Variants in ARPP21 observed in about 807,000 individuals in gnomAD.
The protein encoded by ARPP21 is cAMP-regulated phosphoprotein 21.
A neutral mutation model predicts 113.2 loss-of-function variants in ARPP21; 69 were observed. The observed-to-expected ratio is 0.61, with a 90% CI of 0.50 to 0.74. The LOEUF is 0.74. Ranked by LOEUF, ARPP21 falls within the 30% of genes least tolerant of loss-of-function variation. The pLI is 0.00. For synonymous variants in ARPP21, 368 were observed against 375.5 expected (o/e 0.98, Z 0.23); for missense variants, 1,070 against 1,037.4 (o/e 1.03, Z -0.43).
chr3:35,669,759 G>C (rs556615821), intron 1 of ARPP21, among the ~76,000 whole-genome samples: 1 of 152,254 alleles, frequency 6.6e-6, no homozygotes, highest in Non-Finnish European at 1.5e-5. Context: ...TGTCTGTAAA[G>C]TACACTTTAA....
chr3:35,767,129 A>G (rs972440165), intron 19 of ARPP21, among the ~76,000 whole-genome samples: 1 of 152,134 alleles, frequency 6.6e-6, no homozygotes, highest in Non-Finnish European at 1.5e-5. Context: ...ATGTTTTAAC[A>G]TATTGTCCAC....
chr3:35,790,208 A>G (rs56738662), intron 19 of ARPP21, among the ~76,000 whole-genome samples: 2,124 of 152,310 alleles, frequency 0.014, 22 homozygotes, highest in African/African-American at 0.031. Context: ...TGTGCTTTCA[A>G]TCTTCAGCCA....
intron 14 of ARPP21, among the ~76,000 whole-genome samples, chr3:35,725,826 G>T (rs2093489172): frequency 6.6e-6 from 1 of 152,034 alleles, no homozygotes. Flanking sequence ...TTCAGCTTCA[G>T]TTTCTGAGCT....
intron 19 of ARPP21, among the ~76,000 whole-genome samples, chr3:35,748,115 A>G (rs1483337482): frequency 2.2e-5 from 1 of 46,344 alleles, no homozygotes. Context: ...AGAAAGAAGA[A>G]AGAAAGAAAG....
At chr3:35,728,210 C>T (rs2093677829) in intron 14 of ARPP21, among the ~76,000 whole-genome samples, 1 of 140,424 alleles carries the variant, frequency 7.1e-6, no homozygotes. Context: ...TATTTGATTC[C>T]TTGCCTTTTT....
At chr3:35,792,873 C>G (rs1011890071) in intron 20 of ARPP21, among the ~76,000 whole-genome samples, 2 of 152,158 alleles carry the variant, frequency 1.3e-5, no homozygotes, top group Non-Finnish European at 2.9e-5. Context: ...AATTCCCATT[C>G]ATTTTTGTAC....
At chr3:35,708,685 T>C (rs1232364513) in intron 10 of ARPP21, among the ~76,000 whole-genome samples, 1 of 152,216 alleles carries the variant, frequency 6.6e-6, no homozygotes, top group Non-Finnish European at 1.5e-5. Context: ...GTGAATTGGC[T>C]GAATACCTGA....
At chr3:35,749,543 C>A (rs1348007477) in intron 19 of ARPP21, among the ~76,000 whole-genome samples, 2 of 151,530 alleles carry the variant, frequency 1.3e-5, no homozygotes, top group African/African-American at 4.8e-5. Flanking sequence ...ACACTAGCCT[C>A]ATAAAATGAA....
chr3:35,715,430 A>G lies in ARPP21; in HGVS notation c.898-9A>G. The G allele has an allele frequency of 3.1e-6, 5 of 1,610,980 alleles. No individual in the cohort carries two copies. The highest frequency in any genetic ancestry group is 4.2e-6 in the Non-Finnish European group (5 of 1,178,534). On this transcript the variant is annotated splice_polypyrimidine_tract_variant and intron_variant, in intron 11 of 20. Coordinates refer to ENST00000684406, the MANE Select transcript of ARPP21 (RefSeq NM_001385562.1). Reference sequence around the variant, plus strand: ...ACTTCTGATCCAATGCCTTTTTTTTATTTTTCAGTCAGTTTGCTCCCAGGA... The same window carrying G: ...ACTTCTGATCCAATGCCTTTTTTTTGTTTTTCAGTCAGTTTGCTCCCAGGA...
chr3:35,709,496 A>G (rs1420236615), intron 11 of ARPP21, among the ~76,000 whole-genome samples: 1 of 152,196 alleles, frequency 6.6e-6, no homozygotes, highest in Non-Finnish European at 1.5e-5. Context: ...ATCCATATAC[A>G]ACGAGTATTT....
intron 1 of ARPP21, among the ~76,000 whole-genome samples, chr3:35,642,984 G>C (rs146222902): frequency 6.6e-6 from 1 of 152,056 alleles, no homozygotes; most frequent in Admixed American, 6.5e-5. Flanking sequence ...GGTAACTTTT[G>C]TAATGTCACA....
intron 1 of ARPP21, chr3:35,640,998 G>A (rs1033388789): frequency 6.6e-6 from 1 of 152,170 alleles, no homozygotes; most frequent in Non-Finnish European, 1.5e-5. Context: ...TGAGGTGGAT[G>A]TGGTTGCTGT....
In ARPP21 at chr3:35,737,285, C is replaced by T; in HGVS notation, c.1567C>T (p.Gln523Ter). The change falls in exon 16 of 21, where the codon CAG (glutamine) becomes TAG (stop). Residue 523 changes from glutamine (Q) to a stop codon, truncating the protein, a stop_gained. Transcript: ENST00000684406. LOFTEE classifies it high-confidence loss of function. Reference protein sequence around the residue: ...MVGQSQQQPPQQQPSPQPQQQ... With the variant: ...MVGQSQQQPP ...GGGGCAGTCCCAACAGCAGCCACCA[C>T]AGCAGCAGCCCTCCCCGCAGCCCCA... The T allele has an allele frequency of 6.2e-7, 1 of 1,612,802 alleles. No individual in the cohort carries two copies. The highest frequency in any genetic ancestry group is 8.5e-7 in the Non-Finnish European group (1 of 1,178,982).
chr3:35,789,350 G>A (rs948082272), intron 19 of ARPP21, among the ~76,000 whole-genome samples: 12 of 152,144 alleles, frequency 7.9e-5, no homozygotes, highest in East Asian at 1.9e-4. Context: ...CCAGACAGCT[G>A]CCTGTCTTAA....
chr3:35,684,283 G>A, intron 5 of ARPP21: 2 of 1,151,930 alleles, frequency 1.7e-6, no homozygotes, highest in Non-Finnish European at 2.1e-6. Context: ...TTTAACTTTG[G>A]AGAAATACTT....
At chr3:35,764,814 G>T (rs535385435) in intron 19 of ARPP21, among the ~76,000 whole-genome samples, 1 of 152,234 alleles carries the variant, frequency 6.6e-6, no homozygotes, top group Admixed American at 6.6e-5. Context: ...AAAAATTATA[G>T]TTCTGCCATT....
intron 19 of ARPP21, among the ~76,000 whole-genome samples, chr3:35,762,259 G>C (rs934150823): frequency 6.6e-6 from 1 of 151,940 alleles, no homozygotes; most frequent in Non-Finnish European, 1.5e-5. Context: ...GAGATATTCT[G>C]TGGTAAAAAT....
intron 19 of ARPP21, among the ~76,000 whole-genome samples, chr3:35,748,496 G>GAAGA (rs2095276064): frequency 6.6e-6 from 1 of 150,662 alleles, no homozygotes; most frequent in Admixed American, 6.6e-5. Flanking sequence ...GGGAAGGAAG[G>GAAGA]AAGAAAGGAA....
chr3:35,791,941 A>T (rs2096756260), intron 19 of ARPP21, among the ~76,000 whole-genome samples: 1 of 152,210 alleles, frequency 6.6e-6, no homozygotes, highest in Non-Finnish European at 1.5e-5. Context: ...TATGTGTGAA[A>T]TGAGATTGTC....
Sources: gnomAD v4.1 joint callset for allele counts (sites outside exome capture counted in the v4.1 genomes callset) on GRCh38, gnomAD v4.1.1 for gene constraint, MANE v1.5 for transcripts, NCBI Gene and HGNC (gene_info 2026-07-23, HGNC 2026-07-21) for gene names.